MAP4K4: variants seen among roughly 807,000 people sequenced by gnomAD.
The protein encoded by MAP4K4 is mitogen-activated protein kinase kinase kinase kinase 4, also known as HPK/GCK-like kinase HGK.
In MAP4K4, 38 loss-of-function variants were observed where a neutral mutation model predicts 189.6. The observed-to-expected ratio is 0.20, with a 90% CI of 0.15 to 0.26. MAP4K4 has a LOEUF of 0.26. MAP4K4 is among the 10% of genes least tolerant of loss of function. MAP4K4 has a pLI of 1.00. For missense variants in MAP4K4, 1,054 were observed against 1,726.9 expected (o/e 0.61, Z 6.91); for synonymous variants, 610 against 624.3 (o/e 0.98, Z 0.34).
intron 13 of MAP4K4, among the ~76,000 whole-genome samples, chr2:101,857,949 T>C (rs1576886329): frequency 6.6e-6 from 1 of 152,354 alleles, no homozygotes; most frequent in South Asian, 2.1e-4. Context: ...ATAAAATGTC[T>C]CCTCGTAGTC....
intron 2 of MAP4K4, among the ~76,000 whole-genome samples, chr2:101,718,975 G>A (rs1367889922): frequency 6.6e-6 from 1 of 152,208 alleles, no homozygotes. Flanking sequence ...TATCCATGTG[G>A]TGTAAAGTGT....
intron 2 of MAP4K4, among the ~76,000 whole-genome samples, chr2:101,718,905 T>C (rs1487472308): frequency 6.6e-6 from 1 of 152,216 alleles, no homozygotes. Context: ...GCATGGGAAA[T>C]GTTGGTAGTT....
intron 3 of MAP4K4, 84 bp from the exon 4 acceptor site, chr2:101,823,844 T>C: frequency 8.3e-7 from 1 of 1,204,086 alleles, no homozygotes; most frequent in Non-Finnish European, 1.1e-6. Context: ...CTTGTGTTCC[T>C]TTCATTATTG....
intron 2 of MAP4K4, among the ~76,000 whole-genome samples, chr2:101,702,729 A>G (rs1039116228): frequency 3.3e-5 from 5 of 152,334 alleles, no homozygotes; most frequent in South Asian, 4.1e-4. Context: ...AGGAGGGACC[A>G]TAGATTTTGT....
intron 12 of MAP4K4, among the ~76,000 whole-genome samples, chr2:101,849,892 A>G (rs1462191726): frequency 6.6e-6 from 1 of 152,160 alleles, no homozygotes; most frequent in Non-Finnish European, 1.5e-5. Flanking sequence ...AGAGTAAAAG[A>G]AAATAAAAAT....
intron 11 of MAP4K4, 111 bp downstream of exon 11, chr2:101,842,792 G>C (rs369401825): frequency 3.7e-5 from 26 of 699,976 alleles, no homozygotes; most frequent in African/African-American, 3.3e-4. Context: ...AAATTACTTA[G>C]ACAGCATCTT....
intron 2 of MAP4K4, among the ~76,000 whole-genome samples, chr2:101,730,992 G>A (rs2058205499): frequency 6.6e-6 from 1 of 151,574 alleles, no homozygotes; most frequent in Non-Finnish European, 1.5e-5. Context: ...CTTGCAGTGA[G>A]CTGAGATTGC....
At chr2:101,844,394 C>T in intron 12 of MAP4K4, 83 bp downstream of exon 12, 2 of 1,106,724 alleles carry the variant, frequency 1.8e-6, no homozygotes, top group Non-Finnish European at 1.3e-6. Flanking sequence ...GAGGAATATC[C>T]TCTGTAGCTT....
At chr2:101,705,412 A>T (rs1357307038) in intron 2 of MAP4K4, among the ~76,000 whole-genome samples, 1 of 140,198 alleles carries the variant, frequency 7.1e-6, no homozygotes, top group African/African-American at 2.4e-5. Context: ...TTGTGTTCAG[A>T]CACAATGAAT....
At chr2:101,848,160 CTGT>C (rs1377214102) in intron 12 of MAP4K4, among the ~76,000 whole-genome samples, 1 of 152,214 alleles carries the variant, frequency 6.6e-6, no homozygotes, top group Admixed American at 6.5e-5. Context: ...GAACATATCC[CTGT>C]TGTTAAGCAA....
chr2:101,876,921 A>G (rs1272991734), intron 26 of MAP4K4, 82 bp from the exon 27 acceptor site: 1 of 1,402,166 alleles, frequency 7.1e-7, no homozygotes, highest in African/African-American at 1.4e-5. Context: ...TTTTCCAAAT[A>G]GATGATGTTA....
chr2:101,881,247 TGTA>T (rs2098381395), intron 27 of MAP4K4, among the ~76,000 whole-genome samples: 1 of 152,230 alleles, frequency 6.6e-6, no homozygotes, highest in South Asian at 2.1e-4. Flanking sequence ...TAAATGGTGT[TGTA>T]GTCTTAATTT....
intron 2 of MAP4K4, among the ~76,000 whole-genome samples, chr2:101,722,702 C>G (rs1431401426): frequency 6.6e-6 from 1 of 152,130 alleles, no homozygotes; most frequent in Non-Finnish European, 1.5e-5. Flanking sequence ...TGTAACTTTA[C>G]TAGAGGTCAC....
rs142097566 is a variant in MAP4K4, at chr2:101,698,156, G to A, written c.57+19G>A. The A allele has an allele frequency of 0.036, 42,354 of 1,165,182 alleles. 921 individuals carry two copies. Among genetic ancestry groups the A allele is most frequent in the South Asian group, 0.062 (3,189 of 51,564 alleles). The allele number at this position is 1,165,182 out of a possible 1,614,324, so 72.2% of individuals were successfully genotyped here. ...CCTGCGGGTGAGTGGGCCCGCGAGCGGGCGCGCGGGGAGCGGGCAGCCGGC... is the reference window on the plus strand; with the variant it reads ...CCTGCGGGTGAGTGGGCCCGCGAGCAGGCGCGCGGGGAGCGGGCAGCCGGC... On this transcript the variant is annotated intron_variant, in intron 1 of 32. Coordinates refer to ENST00000324219, the Ensembl canonical transcript of MAP4K4.
At chr2:101,797,430 G>T (rs988054680) in intron 3 of MAP4K4, 1 of 1,276,896 alleles carries the variant, frequency 7.8e-7, no homozygotes, top group East Asian at 5.6e-5. Context: ...TCCCCCTCCT[G>T]CACCGCCCCC....
chr2:101,894,132 T>C (rs1412450706), exon 33 of MAP4K4: 1 of 152,756 alleles, frequency 6.5e-6, no homozygotes, highest in Non-Finnish European at 1.5e-5. Flanking sequence ...TACAGGGTAG[T>C]AACTTCTCCA....
rs2098502940 is a variant in MAP4K4, at chr2:101,887,358, AGTATTT to A, written c.3771+122_3771+127del. 7.0e-6 allele frequency: 7 copies of A among 995,920 alleles called. No homozygotes were observed. In the African/African-American group the frequency reaches 1.2e-4, roughly 17 times the overall value. 61.7% of individuals were successfully genotyped at this position (995,920 alleles called of 1,614,324 possible). A position where few individuals can be genotyped will look rare whatever the true frequency, so the allele number is the denominator to read the frequency against. Reference sequence around the variant, plus strand: ...TTCATTTCCCCTTGGTGTGGGGGTGAGTATTTAAATGATACGCAATTTTCAATAGCT... The same window carrying A: ...TTCATTTCCCCTTGGTGTGGGGGTGAAAATGATACGCAATTTTCAATAGCT... On this transcript the variant is annotated intron_variant, in intron 30 of 32. Coordinates refer to ENST00000324219, the Ensembl canonical transcript of MAP4K4.
At chr2:101,757,048 A>G (rs1485274160) in intron 2 of MAP4K4, among the ~76,000 whole-genome samples, 3 of 152,160 alleles carry the variant, frequency 2.0e-5, no homozygotes, top group South Asian at 2.1e-4. Context: ...TTGGACTTCT[A>G]AGGTCTCATT....
At chr2:101,829,627 T>C (rs1275639808) in intron 6 of MAP4K4, 33 bp downstream of exon 6, 1 of 1,495,318 alleles carries the variant, frequency 6.7e-7, no homozygotes, top group South Asian at 1.2e-5. Flanking sequence ...GATCTCATAA[T>C]TGCACCTGGC....
Sources: gnomAD v4.1 joint callset for allele counts (sites outside exome capture counted in the v4.1 genomes callset) on GRCh38, gnomAD v4.1.1 for gene constraint, MANE v1.5 for transcripts, NCBI Gene and HGNC (gene_info 2026-07-23, HGNC 2026-07-21) for gene names.